Variants in PMS2 observed in about 807,000 individuals in gnomAD.
PMS2 encodes the protein PMS1 homolog 2, mismatch repair system component.
A neutral mutation model predicts 90.0 loss-of-function variants in PMS2; 69 were observed. The ratio of observed to expected loss-of-function variants is 0.77; its 90% CI spans 0.63 to 0.94. The LOEUF is 0.94. PMS2 is among the 40% of genes least tolerant of loss of function. The pLI is 0.00. For missense variants in PMS2, 966 were observed against 1,040.2 expected (o/e 0.93, Z 0.98); for synonymous variants, 332 against 375.1 (o/e 0.89, Z 1.33).
At position 6,003,762 on chromosome 7, in the gene PMS2, T is replaced by A. The variant is rs746811649; in HGVS notation, c.281A>T (p.Glu94Val). ...TTCAACCTGAGTTAGGTCGGCAAAC[T>A]CTTGAATCTTAGATGTGTGATGTTT... ...TLKHHTSKIQ[E>V]FADLTQVETF... is the part of the protein sequence containing the mutation. Residue 94 changes from glutamate (E) to valine (V), a missense_variant, in exon 4 of 15, where the codon GAG becomes GTG. Around this residue, in one of 2 missense-constraint regions of PMS2, gnomAD observed 871 missense variants for 802.4 expected, o/e 1.09. Coordinates refer to ENST00000265849, the MANE Select transcript of PMS2 (RefSeq NM_000535.7). 6.2e-7 allele frequency: 1 copy of A among 1,604,642 alleles called. No homozygotes were observed. Among genetic ancestry groups the A allele is most frequent in the South Asian group, 1.1e-5 (1 of 91,046 alleles).
intron 6 of PMS2, 30 bp downstream of exon 6, chr7:5,999,078 A>C (rs779830580): frequency 6.2e-7 from 1 of 1,602,112 alleles, no homozygotes; most frequent in Admixed American, 1.7e-5. Context: ...TAGAGCAATA[A>C]GAGGCGTTGA....
At chr7:6,002,208 AATT>A (rs1562687910) in intron 5 of PMS2, 4 of 394,130 alleles carry the variant, frequency 1.0e-5, no homozygotes, top group African/African-American at 6.2e-5. Context: ...TTTTTTTTAA[AATT>A]TTTCATAGAG....
Position 6,004,039 on chromosome 7 carries a change from A to G in PMS2, c.183T>C (p.Tyr61=), listed in dbSNP as rs1562695554. 6.3e-7 allele frequency: 1 copy of G among 1,590,718 alleles called. No individual in the cohort carries two copies. Among genetic ancestry groups the G allele is most frequent in the Non-Finnish European group, 8.6e-7 (1 of 1,160,624 alleles). The change falls in exon 3 of 15, where the codon TAT becomes TAC. Residue 61 remains tyrosine, a synonymous_variant. Transcript: ENST00000265849. Reference sequence around the variant, plus strand: ...CTGAAACTTCAATAAGATCCACTCCATAGTCCTTAAGCTTTAGATCTAGAA... The same window carrying G: ...CTGAAACTTCAATAAGATCCACTCCGTAGTCCTTAAGCTTTAGATCTAGAA... ...ATNIDLKLKD[Y]GVDLIEVSDN...
At position 5,978,671 on chromosome 7, in the gene PMS2, C is replaced by G. The variant is rs1467072152; in HGVS notation, c.2200G>C (p.Val734Leu). 1 of 1,599,114 alleles carries G rather than the reference C, an allele frequency of 6.3e-7. No individual in the cohort carries two copies. The highest frequency in any genetic ancestry group is 1.7e-5 in the Admixed American group (1 of 59,770). ...IAPQTLNLTA[V>L]NEAVLIENLE... ...TTTTCTATCAGAACAGCTTCATTAA[C>G]AGCAGTTAAGTTGAGAGTCTGAGGT... Residue 734 changes from valine to leucine, a missense_variant, in exon 13 of 15, where the codon GTT (valine) becomes CTT (leucine). Around this residue, in one of 2 missense-constraint regions of PMS2, gnomAD observed 95 missense variants for 237.8 expected, o/e 0.40. Transcript: ENST00000265849.
In PMS2 at chr7:5,987,585, T is replaced by C. The variant is rs1583323711; in HGVS notation, c.1180A>G (p.Lys394Glu). 1.9e-6 allele frequency: 3 copies of C among 1,610,378 alleles called. No individual in the cohort carries two copies. The highest frequency in any genetic ancestry group is 2.5e-6 in the Non-Finnish European group (3 of 1,176,908). The change falls in exon 11 of 15, where the codon AAG becomes GAG. Residue 394 changes from lysine to glutamate, a missense_variant. Lys to Glu is a moderately conservative substitution (Grantham distance 56). Coordinates refer to ENST00000265849, the MANE Select transcript of PMS2 (RefSeq NM_000535.7). ...LIKMHAADLE[K>E]PMVEKQDQSP... Reference sequence around the variant, plus strand: ...TGATCCTGCTTTTCTACCATGGGCTTTTCCAAATCCGCTGCATGCATTTTT... The same window carrying C: ...TGATCCTGCTTTTCTACCATGGGCTCTTCCAAATCCGCTGCATGCATTTTT...
rs6978893 is a variant in PMS2, at chr7:5,982,383, T to C, written c.2174+441A>G. Among the ~76,000 whole-genome samples the C allele has an allele frequency of 6.9e-3, 1,046 of 152,302 alleles. 5 individuals are homozygous for C. Among genetic ancestry groups the C allele is most frequent in the African/African-American group, 0.024 (1,014 of 41,540 alleles). On this transcript the variant is annotated intron_variant, in intron 12 of 14. Transcript: ENST00000265849. The stretch of plus-strand genomic sequence containing the variant: ...ACCACGCCTGGCTAATTTTGTATTT[T>C]TAGTAGAGACAGGTCTCACCATGTT...
rs531961545 is a variant in PMS2 at position 5,972,695 on chromosome 7, G to A, written c.*704C>T. Reference sequence around the variant, plus strand: ...GAATCAGGGCTGAGAATCACTAACTGAAAAGGACCCTACTTTTAAATTTAT... The same window carrying A: ...GAATCAGGGCTGAGAATCACTAACTAAAAAGGACCCTACTTTTAAATTTAT... On this transcript the variant is annotated 3_prime_UTR_variant, in exon 15 of 15. Coordinates refer to ENST00000265849, the MANE Select transcript of PMS2 (RefSeq NM_000535.7). Among the ~76,000 whole-genome samples the A allele has an allele frequency of 8.2e-3, 755 of 92,608 alleles. 84 individuals are homozygous for A. Among genetic ancestry groups the A allele is most frequent in the African/African-American group, 0.038 (713 of 18,822 alleles). 60.8% of individuals were successfully genotyped at this position (92,608 alleles called of 152,430 possible).
chr7:5,996,088 G>C (rs1036158270), intron 7 of PMS2, among the ~76,000 whole-genome samples: 1 of 152,086 alleles, frequency 6.6e-6, no homozygotes, highest in African/African-American at 2.4e-5. Context: ...TCTTGGTAAA[G>C]CGCTTGCTTC....
At chr7:5,993,370 C>CAAA (rs141290969) in intron 8 of PMS2, among the ~76,000 whole-genome samples, 80 of 72,850 alleles carry the variant, frequency 1.1e-3, no homozygotes, top group East Asian at 6.7e-3. Context: ...GACTCCGTCT[C>CAAA]AAAAAAAAAA....
At position 5,992,000 on chromosome 7, in the gene PMS2, C is replaced by A; in HGVS notation, c.961G>T (p.Val321Phe). 1 of 1,598,218 alleles carries A rather than the reference C, an allele frequency of 6.3e-7. No homozygotes were observed. Among genetic ancestry groups the A allele is most frequent in the South Asian group, 1.1e-5 (1 of 90,802 alleles). ...GAATCAACAGAAATGTTAAGAACAACAAATGGATACTGGTGTCGATTATAC... is the reference window on the plus strand; with the variant it reads ...GAATCAACAGAAATGTTAAGAACAAAAAATGGATACTGGTGTCGATTATAC... ...HMYNRHQYPF[V>F]VLNISVDSEC... The change falls in exon 9 of 15, where the codon GTT becomes TTT. Residue 321 changes from valine (V) to phenylalanine (F), a missense_variant. By Grantham distance (50) the Val-to-Phe change is conservative (BLOSUM62 -1). Transcript: ENST00000265849.
At chr7:5,983,474 A>G (rs1462131900) in intron 11 of PMS2, among the ~76,000 whole-genome samples, 1 of 151,672 alleles carries the variant, frequency 6.6e-6, no homozygotes, top group Non-Finnish European at 1.5e-5. Context: ...AGAAGACATC[A>G]GTTGCTACTA....
chr7:5,995,547 C>G lies in PMS2; in HGVS notation c.890G>C (p.Cys297Ser), dbSNP rs869312802. ...AATTTTAAATACCTTTGCTGGGTCA[C>G]AAGGCCGCCGGTTGATAAAGAAAAA... The part of the protein sequence containing the change: ...RQFFFINRRP[C>S]DPAKVCRLVN... Residue 297 changes from cysteine (C) to serine (S), a missense_variant, in exon 8 of 15, where the codon TGT (cysteine) becomes TCT (serine). Physicochemically the swap from Cys to Ser is moderately radical, Grantham distance 112. Around this residue, in one of 2 missense-constraint regions of PMS2, gnomAD observed 871 missense variants for 802.4 expected, o/e 1.09. Transcript: ENST00000265849. 3.7e-6 allele frequency: 6 copies of G among 1,613,074 alleles called. No homozygotes were observed. Among genetic ancestry groups the G allele is most frequent in the Non-Finnish European group, 5.1e-6 (6 of 1,179,166 alleles).
rs1399975763 is a variant in PMS2, at chr7:6,002,677, C to G, written c.354-41G>C. The G allele has an allele frequency of 3.3e-6, 5 of 1,503,236 alleles. No individual in the cohort carries two copies. The Admixed American group carries it at 5.0e-5, about 15-fold the overall frequency. 93.1% of individuals were successfully genotyped at this position (1,503,236 alleles called of 1,614,324 possible). On this transcript the variant is annotated intron_variant, in intron 4 of 14. Coordinates refer to ENST00000265849, the MANE Select transcript of PMS2 (RefSeq NM_000535.7). ...AGGCATGGTGTGTTCAGTGAGAGAC[C>G]CATGATGTTGGGCACTGACTACTCT...
intron 10 of PMS2, among the ~76,000 whole-genome samples, chr7:5,989,142 G>A (rs1783435603): frequency 2.0e-5 from 3 of 152,232 alleles, no homozygotes; most frequent in Admixed American, 1.3e-4. Flanking sequence ...GAGCCGCTGC[G>A]CCTGGCCTAA....
At chr7:6,005,744 A>C in intron 2 of PMS2, 148 bp downstream of exon 2, 1 of 1,140,270 alleles carries the variant, frequency 8.8e-7, no homozygotes, top group Middle Eastern at 3.0e-4. Flanking sequence ...GCTAAGTACT[A>C]GGCACATAAT....
chr7:5,994,861 T>A (rs1471411835), intron 8 of PMS2, among the ~76,000 whole-genome samples: 7 of 152,148 alleles, frequency 4.6e-5, no homozygotes, highest in Non-Finnish European at 1.0e-4. Flanking sequence ...CATCTCAGCC[T>A]TGCCTCAGAA....
Position 5,986,930 on chromosome 7 carries a change from T to C in PMS2, c.1835A>G (p.Asn612Ser), listed in dbSNP as rs1583314932. 2 of 1,614,064 alleles carry C rather than the reference T, an allele frequency of 1.2e-6. No homozygotes were observed. The highest frequency in any genetic ancestry group is 1.7e-6 in the Non-Finnish European group (2 of 1,180,034). ...AAAGTCCAGGGGCACAACTTTCTTA[T>C]TAATTTTCACAGCTACATCAACCTG... ...ASQVDVAVKI[N>S]KKVVPLDFSM... The change falls in exon 11 of 15, where the codon AAT becomes AGT. Residue 612 changes from asparagine (N) to serine (S), a missense_variant. Coordinates refer to ENST00000265849, the MANE Select transcript of PMS2 (RefSeq NM_000535.7).
intron 1 of PMS2, among the ~76,000 whole-genome samples, chr7:6,007,097 ATTATTATTATTATTATTG>A (rs1326911511): frequency 6.8e-6 from 1 of 147,728 alleles, no homozygotes; most frequent in African/African-American, 2.6e-5. Flanking sequence ...CATTATTATT[ATTATTATTATTATTATTG>A]TTATTATTGT....
In PMS2 at chr7:5,987,041, T is replaced by C. The variant is rs1424781748; in HGVS notation, c.1724A>G (p.Asn575Ser). ...LPQPTNLATP[N>S]TKRFKKEEIL... ...TTCTTCTTTTTTAAAACGCTTTGTGTTTGGGGTTGCGAGATTAGTTGGCTG... is the reference window on the plus strand; with the variant it reads ...TTCTTCTTTTTTAAAACGCTTTGTGCTTGGGGTTGCGAGATTAGTTGGCTG... Residue 575 changes from asparagine to serine, a missense_variant, in exon 11 of 15, where the codon AAC becomes AGC. Coordinates refer to ENST00000265849, the MANE Select transcript of PMS2 (RefSeq NM_000535.7). 4 of 1,614,156 alleles carry C rather than the reference T, an allele frequency of 2.5e-6. No individual in the cohort carries two copies. In the East Asian group the frequency reaches 6.7e-5, roughly 27 times the overall value.
Sources: gnomAD v4.1 joint callset for allele counts (sites outside exome capture counted in the v4.1 genomes callset) on GRCh38, gnomAD v4.1.1 for gene constraint, gnomAD v4.1.1 regional missense constraint, MANE v1.5 for transcripts, NCBI Gene and HGNC (gene_info 2026-07-23, HGNC 2026-07-21) for gene names.